CFTR: variants seen among roughly 807,000 people sequenced by gnomAD.
CFTR encodes cystic fibrosis transmembrane conductance regulator.
Under a neutral mutation model 171.6 loss-of-function variants are expected in CFTR, and 181 were observed. That is an observed-to-expected ratio of 1.05 (90% CI 0.93 to 1.19). CFTR has a LOEUF of 1.19. CFTR is among the 50% of genes most tolerant of loss of function. The probability of loss-of-function intolerance (pLI) is 0.00; values close to 1 mark genes in which losing one functional copy is unlikely to be tolerated. For missense variants in CFTR, 1,968 were observed against 1,734.7 expected (o/e 1.13, Z -2.39); for synonymous variants, 583 against 608.0 (o/e 0.96, Z 0.60).
chr7:117,565,306 A>T (rs907189142), intron 11 of CFTR, among the ~76,000 whole-genome samples: 21 of 152,202 alleles, frequency 1.4e-4, no homozygotes, highest in Non-Finnish European at 1.5e-5. Flanking sequence ...TTGTTATTAA[A>T]AGGGGGACAG....
At chr7:117,590,197 C>T (rs925833528) in intron 12 of CFTR, among the ~76,000 whole-genome samples, 156 bp from the exon 13 acceptor site, 1 of 151,954 alleles carries the variant, frequency 6.6e-6, no homozygotes, top group Non-Finnish European at 1.5e-5. Context: ...TATAAAAGTG[C>T]TACTTCTGCA....
At chr7:117,511,256 T>C (rs558975279) in intron 3 of CFTR, among the ~76,000 whole-genome samples, 1 of 152,244 alleles carries the variant, frequency 6.6e-6, no homozygotes, top group East Asian at 1.9e-4. Context: ...CACTTACTTA[T>C]ACCTGGGGGA....
intron 3 of CFTR, among the ~76,000 whole-genome samples, chr7:117,509,645 A>G (rs1474743331): frequency 1.3e-5 from 2 of 152,208 alleles, no homozygotes; most frequent in African/African-American, 4.8e-5. Context: ...CTAAAAATTT[A>G]AAGTTCTCTT....
rs397508600 is a variant in CFTR at position 117,642,457 on chromosome 7, C to T, written c.3737C>T (p.Thr1246Ile). 28 of 1,613,436 alleles carry T rather than the reference C, an allele frequency of 1.7e-5. No homozygotes were observed. The highest frequency in any genetic ancestry group is 2.2e-5 in the Non-Finnish European group (26 of 1,179,634). Reference sequence around the variant, plus strand: ...TTATAGGTGGGCCTCTTGGGAAGAACTGGATCAGGGAAGAGTACTTTGTTA... The same window carrying T: ...TTATAGGTGGGCCTCTTGGGAAGAATTGGATCAGGGAAGAGTACTTTGTTA... ...PGQRVGLLGR[T>I]GSGKSTLLSA... Residue 1246 changes from threonine to isoleucine, a missense_variant, in exon 23 of 27, where the codon ACT becomes ATT. Transcript: ENST00000003084.
intron 11 of CFTR, among the ~76,000 whole-genome samples, chr7:117,578,573 G>A (rs1168385631): frequency 2.6e-5 from 4 of 151,994 alleles, no homozygotes; most frequent in East Asian, 1.9e-4. Flanking sequence ...GTCCAAGGGC[G>A]TTGTCCAAGG....
chr7:117,627,595 C>G lies in CFTR; in HGVS notation c.3542C>G (p.Pro1181Arg). The change falls in exon 22 of 27, where the codon CCA (proline) becomes CGA (arginine). Residue 1181 changes from proline (P) to arginine (R), a missense_variant. Coordinates refer to ENST00000003084, the MANE Select transcript of CFTR (RefSeq NM_000492.4). ...TEGKPTKSTK[P>R]YKNGQLSKVM... ...GGTAAACCTACCAAGTCAACCAAAC[C>G]ATACAAGAATGGCCAACTCTCGAAA... is the stretch of plus-strand genomic sequence containing the variant. 4 of 1,613,338 alleles carry G rather than the reference C, an allele frequency of 2.5e-6. No individual in the cohort carries two copies. Among genetic ancestry groups the G allele is most frequent in the Non-Finnish European group, 3.4e-6 (4 of 1,179,520 alleles).
chr7:117,660,672 G>A (rs1055809522), intron 24 of CFTR, among the ~76,000 whole-genome samples: 1 of 151,318 alleles, frequency 6.6e-6, no homozygotes, highest in Non-Finnish European at 1.5e-5. Flanking sequence ...ATATATGTGT[G>A]TGTGTGTGTG....
At chr7:117,639,752 G>A (rs1792881665) in intron 22 of CFTR, among the ~76,000 whole-genome samples, 1 of 152,158 alleles carries the variant, frequency 6.6e-6, no homozygotes, top group Non-Finnish European at 1.5e-5. Flanking sequence ...TTGGTGTAAA[G>A]TAGTTGAATC....
intron 23 of CFTR, among the ~76,000 whole-genome samples, chr7:117,650,247 A>G (rs536014401): frequency 2.0e-5 from 3 of 152,164 alleles, no homozygotes; most frequent in Non-Finnish European, 4.4e-5. Flanking sequence ...GAAGAAATCA[A>G]TTAGGAGGCT....
In CFTR at chr7:117,591,744, A is replaced by G. The variant is rs115014126; in HGVS notation, c.1767-190A>G. ...ATGCAACTTTTCAATATAGCATGTT[A>G]TTTCATGCTATCAGAATTCACAAGG... On this transcript the variant is annotated intron_variant, in intron 13 of 26. Coordinates refer to ENST00000003084, the MANE Select transcript of CFTR (RefSeq NM_000492.4). Among the ~76,000 whole-genome samples, 650 of 152,296 alleles carry G rather than the reference A, an allele frequency of 4.3e-3. 8 individuals carry two copies. Among genetic ancestry groups the G allele is most frequent in the Middle Eastern group, 0.014 (4 of 294 alleles).
chr7:117,497,336 TC>T (rs1378598018), intron 1 of CFTR, among the ~76,000 whole-genome samples: 3 of 152,174 alleles, frequency 2.0e-5, no homozygotes, highest in Non-Finnish European at 2.9e-5. Context: ...ATTGTTATAA[TC>T]CCAATAATAA....
intron 26 of CFTR, among the ~76,000 whole-genome samples, chr7:117,666,521 C>T (rs1205390603): frequency 6.6e-6 from 1 of 152,198 alleles, no homozygotes. Flanking sequence ...AACTCAGGCA[C>T]ATCCTGACCA....
At chr7:117,642,694 A>G in intron 23 of CFTR, 101 bp downstream of exon 23, 1 of 1,265,790 alleles carries the variant, frequency 7.9e-7, no homozygotes, top group Admixed American at 2.0e-5. Flanking sequence ...TGCAAAATAT[A>G]TTTGTTATGC....
At chr7:117,544,769 C>A (rs1799111894) in intron 9 of CFTR, among the ~76,000 whole-genome samples, 1 of 152,238 alleles carries the variant, frequency 6.6e-6, no homozygotes. Context: ...CTTCCCTTTG[C>A]TGTCAAGGCT....
intron 22 of CFTR, among the ~76,000 whole-genome samples, chr7:117,629,681 C>T (rs1414253239): frequency 6.6e-6 from 1 of 152,146 alleles, no homozygotes; most frequent in Non-Finnish European, 1.5e-5. Context: ...CTTTGGTGAA[C>T]ATGGGTGACT....
intron 12 of CFTR, among the ~76,000 whole-genome samples, chr7:117,588,195 G>A (rs1791974460): frequency 6.6e-6 from 1 of 152,014 alleles, no homozygotes; most frequent in South Asian, 2.1e-4. Context: ...GTACACACCA[G>A]CTTTAGGCTT....
intron 1 of CFTR, among the ~76,000 whole-genome samples, chr7:117,496,445 C>T (rs1341284147): frequency 3.3e-5 from 5 of 152,140 alleles, no homozygotes. Context: ...CTCAAGTGGT[C>T]CTCCTCCCAC....
At chr7:117,628,969 T>C (rs1349909541) in intron 22 of CFTR, among the ~76,000 whole-genome samples, 1 of 152,098 alleles carries the variant, frequency 6.6e-6, no homozygotes, top group African/African-American at 2.4e-5. Flanking sequence ...AAATTGACTT[T>C]CTCTCCTCCT....
At chr7:117,578,892 TA>T (rs1432506152) in intron 11 of CFTR, among the ~76,000 whole-genome samples, 2 of 152,100 alleles carry the variant, frequency 1.3e-5, no homozygotes, top group African/African-American at 4.8e-5. Context: ...ACCCTTCTAA[TA>T]TAACTCTTCT....
Sources: gnomAD v4.1 joint callset for allele counts (sites outside exome capture counted in the v4.1 genomes callset) on GRCh38, gnomAD v4.1.1 for gene constraint, MANE v1.5 for transcripts, NCBI Gene and HGNC (gene_info 2026-07-23, HGNC 2026-07-21) for gene names.